Variants in ATG5 observed in about 807,000 individuals in gnomAD.
The protein encoded by ATG5 is autophagy related 5.
ATG5 carries 14 observed loss-of-function variants against 36.5 expected under a neutral mutation model. The observed-to-expected ratio is 0.38, with a 90% CI of 0.25 to 0.60. ATG5 has a LOEUF of 0.60. ATG5 is among the 20% of genes least tolerant of loss of function. The pLI is 0.60. For missense variants in ATG5, 195 were observed against 326.7 expected (o/e 0.60, Z 3.11); for synonymous variants, 95 against 101.5 (o/e 0.94, Z 0.38).
intron 5 of ATG5, among the ~76,000 whole-genome samples, chr6:106,252,123 A>G (rs535252053): frequency 1.3e-5 from 2 of 152,354 alleles, no homozygotes; most frequent in African/African-American, 2.4e-5. Flanking sequence ...TACAGGCATG[A>G]GCCACCGTGC....
chr6:106,227,352 T>C (rs922471693), intron 6 of ATG5, among the ~76,000 whole-genome samples: 25 of 152,266 alleles, frequency 1.6e-4, no homozygotes, highest in African/African-American at 5.5e-4. Flanking sequence ...TCTCAGTATT[T>C]TGGGTGGCCA....
chr6:106,221,344 G>A (rs1438265749), intron 6 of ATG5, among the ~76,000 whole-genome samples: 1 of 152,110 alleles, frequency 6.6e-6, no homozygotes, highest in East Asian at 1.9e-4. Context: ...ATTTTCAACA[G>A]TTATAACATT....
At chr6:106,271,519 C>T (rs541564369) in intron 5 of ATG5, 41 of 152,300 alleles carry the variant, frequency 2.7e-4, no homozygotes, top group African/African-American at 9.9e-4. Flanking sequence ...GACTCTCTAG[C>T]CGCTAGATTG....
chr6:106,230,039 C>A (rs529320757), intron 6 of ATG5, among the ~76,000 whole-genome samples: 2 of 152,294 alleles, frequency 1.3e-5, no homozygotes, highest in East Asian at 3.9e-4. Context: ...ATACAAAGGT[C>A]CGACCAGACC....
At chr6:106,285,968 G>A (rs371919447) in intron 4 of ATG5, among the ~76,000 whole-genome samples, 1 of 151,296 alleles carries the variant, frequency 6.6e-6, no homozygotes, top group East Asian at 1.9e-4. Context: ...TGCCTAGTAT[G>A]TAGCCAGATG....
intron 5 of ATG5, among the ~76,000 whole-genome samples, chr6:106,269,440 G>A (rs954937469): frequency 1.4e-4 from 22 of 152,252 alleles, no homozygotes; most frequent in Admixed American, 1.4e-3. Context: ...ATGGGACTGG[G>A]CGCCGTGGAG....
chr6:106,325,306 G>A (rs1005412971), intron 1 of ATG5: 1 of 152,312 alleles, frequency 6.6e-6, no homozygotes, highest in African/African-American at 2.4e-5. Flanking sequence ...TACCCCAAGA[G>A]GGACCCCGCA....
In ATG5 at chr6:106,322,512, C is replaced by A. The variant is rs1233529696; in HGVS notation, c.-59+3014G>T. 1.2e-4 allele frequency among the ~76,000 whole-genome samples: 18 copies of A among 152,292 alleles called. No individual in the cohort carries two copies. In the East Asian group the frequency reaches 3.3e-3, roughly 28 times the overall value. ...CACTTTCCTACATCACTATTCTATA[C>A]CTTCTCCTCCCTCAAATGTTCACTT... On this transcript the variant is annotated intron_variant, in intron 1 of 7. Transcript: ENST00000369076.
At chr6:106,247,414 T>C (rs1582605835) in intron 6 of ATG5, among the ~76,000 whole-genome samples, 1 of 152,352 alleles carries the variant, frequency 6.6e-6, no homozygotes. Flanking sequence ...GCAAATATGC[T>C]GTGAGAAAGA....
chr6:106,234,404 A>G (rs1777811779), intron 6 of ATG5, among the ~76,000 whole-genome samples: 1 of 152,180 alleles, frequency 6.6e-6, no homozygotes, highest in Non-Finnish European at 1.5e-5. Context: ...CAGCACAGAA[A>G]TAAACACCAC....
intron 7 of ATG5, among the ~76,000 whole-genome samples, chr6:106,189,367 G>A (rs558745539): frequency 9.5e-4 from 145 of 152,140 alleles, no homozygotes; most frequent in Non-Finnish European, 1.8e-3. Context: ...CACTTTGGGA[G>A]GTCAAGGTGG....
intron 5 of ATG5, among the ~76,000 whole-genome samples, chr6:106,258,812 G>T (rs1008649471): frequency 1.4e-4 from 21 of 152,110 alleles, no homozygotes; most frequent in Non-Finnish European, 4.4e-5. Flanking sequence ...AAATTCCAGG[G>T]TTCTATGCTT....
rs916415841 is a variant in ATG5 at position 106,186,448 on chromosome 6, T to G, written c.*92A>C. 6.8e-7 allele frequency: 1 copy of G among 1,462,476 alleles called. No individual in the cohort carries two copies. The highest frequency in any genetic ancestry group is 1.4e-5 in the African/African-American group (1 of 71,312). 90.6% of individuals were successfully genotyped at this position (1,462,476 alleles called of 1,614,324 possible). A position where few individuals can be genotyped will look rare whatever the true frequency, so the allele number is the denominator to read the frequency against. ...CAGCAGCGAAGTGTTTCTGGTCAGG[T>G]TGCCTCCACCAAACCTGATTGAAGC... On this transcript the variant is annotated 3_prime_UTR_variant, in exon 8 of 8. Coordinates refer to ENST00000369076, the MANE Select transcript of ATG5 (RefSeq NM_004849.4).
intron 2 of ATG5, among the ~76,000 whole-genome samples, chr6:106,314,737 G>A: frequency 6.6e-6 from 1 of 151,872 alleles, no homozygotes; most frequent in African/African-American, 2.4e-5. Context: ...AAAAAAAATG[G>A]TATCCTAACC....
At chr6:106,233,464 G>A (rs1020805900) in intron 6 of ATG5, among the ~76,000 whole-genome samples, 2 of 152,158 alleles carry the variant, frequency 1.3e-5, no homozygotes, top group African/African-American at 2.4e-5. Flanking sequence ...GCTTGCCAAC[G>A]GGGCAAGACT....
Position 106,216,211 on chromosome 6 carries a change from T to G in ATG5, c.574-14122A>C, listed in dbSNP as rs556409137. 3.3e-5 allele frequency among the ~76,000 whole-genome samples: 5 copies of G among 152,290 alleles called. No individual in the cohort carries two copies. In the South Asian group the frequency reaches 1.0e-3, roughly 32 times the overall value. On this transcript the variant is annotated intron_variant, in intron 6 of 7. Coordinates refer to ENST00000369076, the MANE Select transcript of ATG5 (RefSeq NM_004849.4). ...TGACAATACCCCAAAGGTTTAAACGTGGAATTACCATGCAACCCAGCAATT... is the reference window on the plus strand; with the variant it reads ...TGACAATACCCCAAAGGTTTAAACGGGGAATTACCATGCAACCCAGCAATT...
chr6:106,306,337 TGAAA>T, intron 3 of ATG5, among the ~76,000 whole-genome samples: 1 of 152,314 alleles, frequency 6.6e-6, no homozygotes, highest in East Asian at 1.9e-4. Flanking sequence ...AAACAGCAGC[TGAAA>T]GATGATGACT....
intron 1 of ATG5, among the ~76,000 whole-genome samples, chr6:106,319,723 C>G (rs895596052): frequency 6.6e-6 from 1 of 152,128 alleles, no homozygotes; most frequent in Non-Finnish European, 1.5e-5. Context: ...TTTATTTGTA[C>G]GTCTCCTCCA....
chr6:106,277,192 C>A (rs547823840), intron 5 of ATG5, among the ~76,000 whole-genome samples: 20 of 152,290 alleles, frequency 1.3e-4, no homozygotes, highest in Admixed American at 1.3e-3. Context: ...TACAAACACC[C>A]ATTTGATGTG....
Sources: allele counts gnomAD v4.1 joint callset (sites outside exome capture counted in the v4.1 genomes callset), GRCh38; gene constraint gnomAD v4.1.1; transcripts MANE v1.5; gene names NCBI Gene and HGNC (gene_info 2026-07-23, HGNC 2026-07-21).